The following TOP3A variants were observed in gnomAD, a reference collection of about 807,000 sequenced individuals.
TOP3A encodes DNA topoisomerase III alpha, also known as DNA topoisomerase 3-alpha.
TOP3A carries 64 observed loss-of-function variants against 111.3 expected under a neutral mutation model. That is an observed-to-expected ratio of 0.57 (90% CI 0.47 to 0.71). The LOEUF (loss-of-function observed/expected upper bound fraction) is 0.71. Ranked by LOEUF, TOP3A falls within the 30% of genes least tolerant of loss-of-function variation. The probability of loss-of-function intolerance (pLI) is 0.00; values close to 1 mark genes in which losing one functional copy is unlikely to be tolerated. For synonymous variants in TOP3A, 484 were observed against 485.1 expected (o/e 1.00, Z 0.03); for missense variants, 1,104 against 1,285.0 (o/e 0.86, Z 2.15).
chr17:18,302,739 T>TGTTA lies in TOP3A; in HGVS notation c.500-20_500-17dup. On this transcript the variant is annotated splice_polypyrimidine_tract_variant and intron_variant, in intron 5 of 18. Transcript: ENST00000321105. ...TTGGGCTTTACTGCAGAACACAAGGTGTTACCAAGGTCAAAGTCAAATCAC... is the reference window on the plus strand; with the variant it reads ...TTGGGCTTTACTGCAGAACACAAGGTGTTAGTTACCAAGGTCAAAGTCAAATCAC... The TGTTA allele has an allele frequency of 6.2e-7, 1 of 1,603,820 alleles. No homozygotes were observed. Among genetic ancestry groups the TGTTA allele is most frequent in the South Asian group, 1.1e-5 (1 of 90,766 alleles).
Position 18,308,869 on chromosome 17 carries a change from T to C in TOP3A, c.240+13A>G. The C allele has an allele frequency of 1.3e-6, 2 of 1,530,324 alleles. No homozygotes were observed. Among genetic ancestry groups the C allele is most frequent in the Non-Finnish European group, 8.9e-7 (1 of 1,122,918 alleles). The allele number at this position is 1,530,324 out of a possible 1,614,324, so 94.8% of individuals were successfully genotyped here. A position where few individuals can be genotyped will look rare whatever the true frequency, so the allele number is the denominator to read the frequency against. On this transcript the variant is annotated intron_variant, in intron 2 of 18. Coordinates refer to ENST00000321105, the MANE Select transcript of TOP3A (RefSeq NM_004618.5). ...TTATGATTGAAATATTTTAGAAATA[T>C]TTTAGCACCTACCTGGCCATACAGA...
chr17:18,296,809 A>G (rs185867954), intron 9 of TOP3A, among the ~76,000 whole-genome samples: 1 of 152,322 alleles, frequency 6.6e-6, no homozygotes, highest in Non-Finnish European at 1.5e-5. Flanking sequence ...GTGACTGAGA[A>G]GGCATACTCC....
intron 8 of TOP3A, 115 bp downstream of exon 8, chr17:18,301,770 A>C (rs1302421200): frequency 1.2e-6 from 1 of 821,422 alleles, no homozygotes; most frequent in African/African-American, 1.7e-5. Context: ...TGATCCCCTG[A>C]GATGCAAACT....
chr17:18,309,741 G>GC (rs886640788), intron 1 of TOP3A, among the ~76,000 whole-genome samples: 108 of 144,090 alleles, frequency 7.5e-4, no homozygotes, highest in African/African-American at 2.8e-3. Context: ...ATGGAGTCTG[G>GC]CTCTGTCGCC....
At chr17:18,297,113 T>C (rs1363158756) in intron 9 of TOP3A, among the ~76,000 whole-genome samples, 1 of 152,188 alleles carries the variant, frequency 6.6e-6, no homozygotes, top group African/African-American at 2.4e-5. Context: ...TGCAGTTATA[T>C]TGCATTTGTT....
Position 18,278,376 on chromosome 17 carries a change from G to A in TOP3A, c.2145-19C>T, listed in dbSNP as rs765263328. 6.0e-6 allele frequency: 9 copies of A among 1,504,022 alleles called. No homozygotes were observed. The highest frequency in any genetic ancestry group is 1.4e-5 in the African/African-American group (1 of 71,470). 93.2% of individuals were successfully genotyped at this position (1,504,022 alleles called of 1,614,324 possible). A position where few individuals can be genotyped will look rare whatever the true frequency, so the allele number is the denominator to read the frequency against. On this transcript the variant is annotated intron_variant, in intron 17 of 18. Transcript: ENST00000321105. ...CTTTAACCTAGTGAGGCCAGAAGAT[G>A]AGAAAAAACATTAACAACCAGATGC... is the stretch of plus-strand genomic sequence containing the variant.
chr17:18,314,520 G>C (rs1982125886), intron 1 of TOP3A, 79 bp downstream of exon 1: 2 of 1,467,802 alleles, frequency 1.4e-6, no homozygotes, highest in Non-Finnish European at 1.8e-6. Context: ...CCTTCATCTC[G>C]ATTCTTGGCG....
rs7207123 is a variant in TOP3A, at chr17:18,305,230, G to C, written c.391-10C>G. 6.2e-7 allele frequency: 1 copy of C among 1,608,904 alleles called. No individual in the cohort carries two copies. Among genetic ancestry groups the C allele is most frequent in the Non-Finnish European group, 8.5e-7 (1 of 1,175,598 alleles). ...CTCGTTCCAAAGTTTTCTTAAGTTCGCAGTGGAATAAGAGTGGTGAGAACA... is the reference window on the plus strand; with the variant it reads ...CTCGTTCCAAAGTTTTCTTAAGTTCCCAGTGGAATAAGAGTGGTGAGAACA... On this transcript the variant is annotated splice_polypyrimidine_tract_variant and intron_variant, in intron 4 of 18. Transcript: ENST00000321105.
chr17:18,313,690 C>T (rs1468698763), intron 1 of TOP3A, among the ~76,000 whole-genome samples: 1 of 151,652 alleles, frequency 6.6e-6, no homozygotes, highest in Non-Finnish European at 1.5e-5. Flanking sequence ...TAGAAGTAGA[C>T]AAACCTTGGG....
At chr17:18,283,740 G>C (rs1280704698) in intron 15 of TOP3A, among the ~76,000 whole-genome samples, 1 of 152,168 alleles carries the variant, frequency 6.6e-6, no homozygotes, top group Non-Finnish European at 1.5e-5. Flanking sequence ...CTGTGCTTCT[G>C]ACTGACTGGC....
At chr17:18,290,012 C>T (rs1980366125) in intron 13 of TOP3A, among the ~76,000 whole-genome samples, 1 of 152,208 alleles carries the variant, frequency 6.6e-6, no homozygotes, top group Non-Finnish European at 1.5e-5. Flanking sequence ...AAGCTTGAGC[C>T]ATGGGACTTA....
intron 7 of TOP3A, 51 bp downstream of exon 7, chr17:18,302,213 T>C (rs757133853): frequency 6.4e-7 from 1 of 1,554,714 alleles, no homozygotes; most frequent in Non-Finnish European, 8.7e-7. Context: ...GTCCCCCTCC[T>C]TAACCTTGAG....
rs1396339991 is a variant in TOP3A, at chr17:18,273,782, C to G, written c.*1020G>C. On this transcript the variant is annotated 3_prime_UTR_variant, in exon 19 of 19. Transcript: ENST00000321105. ...GCAGCTGAACTAAAGACGTGTACAA[C>G]TGTGCTTGTTATATTTTTAAAAATA... is the stretch of plus-strand genomic sequence containing the variant. 6.6e-6 allele frequency: 1 copy of G among 152,088 alleles called. No homozygotes were observed. Among genetic ancestry groups the G allele is most frequent in the Non-Finnish European group, 1.5e-5 (1 of 68,048 alleles). 9.4% of individuals were successfully genotyped at this position (152,088 alleles called of 1,614,324 possible).
intron 1 of TOP3A, 50 bp from the exon 2 acceptor site, chr17:18,308,991 A>G: frequency 9.8e-7 from 1 of 1,024,582 alleles, no homozygotes; most frequent in East Asian, 2.8e-5. Context: ...AAAACAATGG[A>G]TTCCTTTGTA....
intron 3 of TOP3A, 91 bp from the exon 4 acceptor site, chr17:18,307,057 G>A (rs985333755): frequency 1.2e-4 from 102 of 864,000 alleles, no homozygotes; most frequent in African/African-American, 1.9e-4. Flanking sequence ...TGGGTTCATG[G>A]TGTATCCCCA....
intron 18 of TOP3A, among the ~76,000 whole-genome samples, chr17:18,276,687 A>C (rs1211417492): frequency 2.6e-5 from 4 of 152,172 alleles, no homozygotes; most frequent in Non-Finnish European, 5.9e-5. Flanking sequence ...AGCTCCCACT[A>C]GGCCTTTGGG....
chr17:18,308,676 T>C, intron 2 of TOP3A: 1 of 489,164 alleles, frequency 2.0e-6, no homozygotes, highest in Admixed American at 3.8e-5. Context: ...TTAGCTTTTT[T>C]TTTTTGTAAT....
At chr17:18,304,990 C>T in intron 5 of TOP3A, 122 bp downstream of exon 5, 1 of 793,390 alleles carries the variant, frequency 1.3e-6, no homozygotes, top group Non-Finnish European at 2.2e-6. Context: ...GTGGGACTCA[C>T]AGACTGGGAG....
At chr17:18,296,408 C>T (rs973744490) in intron 9 of TOP3A, among the ~76,000 whole-genome samples, 1 of 151,990 alleles carries the variant, frequency 6.6e-6, no homozygotes, top group Non-Finnish European at 1.5e-5. Flanking sequence ...GGTGAAACCC[C>T]ATCTCTACTA....
Sources: allele counts gnomAD v4.1 joint callset (sites outside exome capture counted in the v4.1 genomes callset), GRCh38; gene constraint gnomAD v4.1.1; transcripts MANE v1.5; gene names NCBI Gene and HGNC (gene_info 2026-07-23, HGNC 2026-07-21).